The following ATP7B variants were observed in gnomAD, a reference collection of about 807,000 sequenced individuals.
ATP7B encodes ATPase copper transporting beta.
In ATP7B, 113 loss-of-function variants were observed where a neutral mutation model predicts 118.9. The observed-to-expected ratio is 0.95, with a 90% confidence interval of 0.82 to 1.11. The LOEUF is 1.11. Ranked by LOEUF, ATP7B falls within the 50% of genes most tolerant of loss-of-function variation. ATP7B has a pLI of 0.00. For synonymous variants in ATP7B, 777 were observed against 727.4 expected, an observed-to-expected ratio of 1.07 and a Z score of -1.10; for missense variants, 1,867 against 1,871.4, an observed-to-expected ratio of 1.00 and a Z score of 0.04.
intron 9 of ATP7B, among the ~76,000 whole-genome samples, chr13:51,956,394 G>A (rs141119113): frequency 6.6e-6 from 1 of 152,326 alleles, no homozygotes; most frequent in Non-Finnish European, 1.5e-5. Flanking sequence ...CATGGACAAG[G>A]GCACACAAGG....
intron 12 of ATP7B, among the ~76,000 whole-genome samples, chr13:51,947,460 C>T (rs1004506122): frequency 3.9e-5 from 6 of 152,098 alleles, no homozygotes; most frequent in Admixed American, 3.9e-4. Context: ...TTAAAAATGG[C>T]TGGTGGCTAT....
intron 2 of ATP7B, 57 bp downstream of exon 2, chr13:51,973,878 T>A (rs1303524180): frequency 4.3e-6 from 7 of 1,611,694 alleles, no homozygotes; most frequent in Non-Finnish European, 5.9e-6. Context: ...CCAGGAGCTA[T>A]AAGACACAAA....
intron 4 of ATP7B, chr13:51,966,872 T>C: frequency 2.5e-6 from 4 of 1,612,726 alleles, no homozygotes; most frequent in South Asian, 1.1e-5. Context: ...CCAGATTGTA[T>C]CATCACTTGT....
At chr13:51,978,161 T>A (rs992164064) in intron 1 of ATP7B, among the ~76,000 whole-genome samples, 3 of 151,208 alleles carry the variant, frequency 2.0e-5, no homozygotes, top group Admixed American at 2.0e-4. Flanking sequence ...CTAAACACAA[T>A]AAGGACAAAA....
chr13:51,934,593 C>A lies in ATP7B; in HGVS notation c.*163G>T. The A allele has an allele frequency of 8.3e-7, 1 of 1,211,182 alleles. No homozygotes were observed. 75.0% of individuals were successfully genotyped at this position (1,211,182 alleles called of 1,614,324 possible). On this transcript the variant is annotated 3_prime_UTR_variant, in exon 21 of 21. Coordinates refer to ENST00000242839, the MANE Select transcript of ATP7B (RefSeq NM_000053.4). Reference sequence around the variant, plus strand: ...CCTCTCCAGGCCAAGCCCAGCTGCACCCAGACAAGGCCGCGTGCTGCAGGG... The same window carrying A: ...CCTCTCCAGGCCAAGCCCAGCTGCAACCAGACAAGGCCGCGTGCTGCAGGG...
chr13:51,950,361 T>A lies in ATP7B; in HGVS notation c.2486A>T (p.Asp829Val). The change falls in exon 10 of 21, where the codon GAT becomes GTT. Residue 829 changes from aspartate to valine, a missense_variant. By Grantham distance (152) the Asp-to-Val change is radical. Coordinates refer to ENST00000242839, the MANE Select transcript of ATP7B (RefSeq NM_000053.4). The stretch of plus-strand genomic sequence containing the variant: ...TCCCCCAGGGACCACCTTGACGATA[T>A]CGCCCCGCTGCACCAGCTCCATGGG... The part of the protein sequence containing the change: ...QVPMELVQRG[D>V]IVKVVPGGKF... 1 of 1,614,128 alleles carries A rather than the reference T, an allele frequency of 6.2e-7. No individual in the cohort carries two copies. Among genetic ancestry groups the A allele is most frequent in the South Asian group, 1.1e-5 (1 of 91,074 alleles).
chr13:51,938,523 G>A (rs1466497426), intron 17 of ATP7B, among the ~76,000 whole-genome samples: 1 of 152,228 alleles, frequency 6.6e-6, no homozygotes, highest in Non-Finnish European at 1.5e-5. Flanking sequence ...GCTTTCAGAA[G>A]CCTAGAGCTC....
In ATP7B at chr13:51,985,767, T is replaced by G. The variant is rs140426058; in HGVS notation, c.52-10599A>C. 1.0e-3 allele frequency among the ~76,000 whole-genome samples: 157 copies of G among 152,268 alleles called. 1 individual carries two copies. The East Asian group carries it at 0.023, about 22-fold the overall frequency. On this transcript the variant is annotated intron_variant, in intron 1 of 20. Transcript: ENST00000242839. ...TAGAACTCAGGATTAAGAAACTCAC[T>G]CAAAACTGTAAAACTACATGGAAAC...
intron 9 of ATP7B, among the ~76,000 whole-genome samples, chr13:51,952,773 C>G (rs1958089670): frequency 6.6e-6 from 1 of 152,204 alleles, no homozygotes; most frequent in South Asian, 2.1e-4. Flanking sequence ...GCTTGTGTGG[C>G]TACTTCCTGT....
chr13:51,961,931 AGGGGTGGGG>A lies in ATP7B; in HGVS notation c.1870-27_1870-19del, dbSNP rs1267013651. 2 of 1,596,864 alleles carry A rather than the reference AGGGGTGGGG, an allele frequency of 1.3e-6. No homozygotes were observed. The highest frequency in any genetic ancestry group is 1.7e-5 in the Admixed American group (1 of 59,934). ...CCAATTTCCTTGTCATTAAAAAGAG[AGGGGTGGGG>A]AAAAAGGAGGAAGGTACTTGGTTAA... On this transcript the variant is annotated intron_variant, in intron 5 of 20. Transcript: ENST00000242839.
At chr13:52,000,773 C>A (rs1460871039) in intron 1 of ATP7B, among the ~76,000 whole-genome samples, 1 of 152,194 alleles carries the variant, frequency 6.6e-6, no homozygotes, top group African/African-American at 2.4e-5. Context: ...GTAATCCCAG[C>A]ACTTTGGAAG....
chr13:51,974,152 G>A lies in ATP7B; in HGVS notation c.1068C>T (p.Gly356=). 1.2e-6 allele frequency: 2 copies of A among 1,614,014 alleles called. No individual in the cohort carries two copies. The highest frequency in any genetic ancestry group is 1.7e-6 in the Non-Finnish European group (2 of 1,180,024). The change falls in exon 2 of 21, where the codon GGC becomes GGT. Residue 356 remains glycine, a synonymous_variant. Transcript: ENST00000242839. ...PGSPPRNQVQ[G]TCSTTLIAIA... is the part of the protein sequence containing the mutation. Reference sequence around the variant, plus strand: ...TGGCAATCAGAGTGGTACTGCATGTGCCCTGGACCTGGTTTCTCGGTGGGG... The same window carrying A: ...TGGCAATCAGAGTGGTACTGCATGTACCCTGGACCTGGTTTCTCGGTGGGG...
chr13:51,961,867 T>C lies in ATP7B; in HGVS notation c.1916A>G (p.His639Arg), dbSNP rs1202522995. 8 of 1,613,986 alleles carry C rather than the reference T, an allele frequency of 5.0e-6. No individual in the cohort carries two copies. The highest frequency in any genetic ancestry group is 6.8e-6 in the Non-Finnish European group (8 of 1,179,986). ...ASLAQRNPNA[H>R]HLDHKMEIKQ... ...TATTTCCATCTTGTGGTCCAAGTGA[T>C]GAGCGTTGGGGTTTCTCTGGGCCAG... is the stretch of plus-strand genomic sequence containing the variant. The change falls in exon 6 of 21, where the codon CAT becomes CGT. Residue 639 changes from histidine (H) to arginine (R), a missense_variant. Coordinates refer to ENST00000242839, the MANE Select transcript of ATP7B (RefSeq NM_000053.4).
At chr13:51,991,890 C>T (rs988336808) in intron 1 of ATP7B, among the ~76,000 whole-genome samples, 6 of 152,104 alleles carry the variant, frequency 3.9e-5, no homozygotes, top group African/African-American at 1.2e-4. Context: ...TAATTAATTC[C>T]TAGGAACCTC....
chr13:51,978,392 C>T (rs1319883910), intron 1 of ATP7B, among the ~76,000 whole-genome samples: 1 of 152,198 alleles, frequency 6.6e-6, no homozygotes, highest in African/African-American at 2.4e-5. Context: ...ATTCCAACCA[C>T]ACTGGCACAG....
At chr13:51,971,759 G>A (rs1175718891) in intron 2 of ATP7B, among the ~76,000 whole-genome samples, 2 of 152,258 alleles carry the variant, frequency 1.3e-5, no homozygotes, top group African/African-American at 4.8e-5. Context: ...TTCAGCAGTA[G>A]GTGTGTGCTG....
chr13:51,991,871 C>T (rs571290296), intron 1 of ATP7B, among the ~76,000 whole-genome samples: 2 of 152,258 alleles, frequency 1.3e-5, no homozygotes, highest in South Asian at 4.1e-4. Context: ...CCCTATTTCC[C>T]CCTTTTCATA....
At chr13:51,957,678 CA>C in intron 8 of ATP7B, 71 bp from the exon 9 acceptor site, 1 of 1,461,938 alleles carries the variant, frequency 6.8e-7, no homozygotes, top group Non-Finnish European at 9.6e-7. Flanking sequence ...CTGAGAGTCA[CA>C]AGCGTGGTGT....
chr13:51,949,496 CTG>C (rs1200404513), intron 12 of ATP7B, among the ~76,000 whole-genome samples, 164 bp downstream of exon 12: 1 of 151,782 alleles, frequency 6.6e-6, no homozygotes, highest in Non-Finnish European at 1.5e-5. Context: ...AGGAGAGTGA[CTG>C]TTTATCCTAC....
Sources: allele counts gnomAD v4.1 joint callset (sites outside exome capture counted in the v4.1 genomes callset), GRCh38; gene constraint gnomAD v4.1.1; transcripts MANE v1.5; gene names NCBI Gene and HGNC (gene_info 2026-07-23, HGNC 2026-07-21).